COPA: variants seen among roughly 807,000 people sequenced by gnomAD.
The protein encoded by COPA is coatomer subunit alpha.
COPA carries 10 observed loss-of-function variants against 158.7 expected under a neutral mutation model. That is an observed-to-expected ratio of 0.06 (90% confidence interval 0.04 to 0.11). The LOEUF (loss-of-function observed/expected upper bound fraction) is 0.11. COPA is among the 10% of genes least tolerant of loss of function. The pLI, the probability that COPA is intolerant of heterozygous loss-of-function variation, is 1.00. For missense variants in COPA, 1,065 were observed against 1,536.7 expected (o/e 0.69, Z 5.13); for synonymous variants, 462 against 542.8 (o/e 0.85, Z 2.07).
intron 23 of COPA, among the ~76,000 whole-genome samples, chr1:160,295,355 T>C (rs572022378): frequency 3.2e-4 from 49 of 152,212 alleles, no homozygotes; most frequent in Admixed American, 1.4e-3. Flanking sequence ...ATAGCACACA[T>C]CTGCCTATAC....
chr1:160,304,552 T>C (rs1248154547), intron 17 of COPA, among the ~76,000 whole-genome samples: 1 of 151,808 alleles, frequency 6.6e-6, no homozygotes, highest in Admixed American at 6.6e-5. Flanking sequence ...TAATCCCAGC[T>C]ACTCGGGAGG....
chr1:160,296,007 A>G (rs1375946779), intron 22 of COPA, 54 bp downstream of exon 22: 2 of 1,592,626 alleles, frequency 1.3e-6, no homozygotes, highest in African/African-American at 2.7e-5. Flanking sequence ...AAATTGTTCT[A>G]AGATCCTAGA....
chr1:160,305,485 C>T lies in COPA; in HGVS notation c.1615G>A (p.Gly539Arg). Residue 539 changes from glycine to arginine, a missense_variant, in exon 17 of 33, where the codon GGG becomes AGG. Gly to Arg is a moderately radical substitution (Grantham distance 125). Around this residue, in one of 2 missense-constraint regions of COPA, gnomAD observed 980 missense variants for 1,357.8 expected, o/e 0.72. Transcript: ENST00000241704. ...RVKSGAWDESGVFIYTTSNHI... is the reference protein window; with the variant it reads ...RVKSGAWDESRVFIYTTSNHI... ...TTGCTTGTGGTATAGATAAATACCCCACTCTCATCCCAGGCCCCACTCTTG... is the reference window on the plus strand; with the variant it reads ...TTGCTTGTGGTATAGATAAATACCCTACTCTCATCCCAGGCCCCACTCTTG... 1 of 1,614,144 alleles carries T rather than the reference C, an allele frequency of 6.2e-7. No homozygotes were observed. The highest frequency in any genetic ancestry group is 8.5e-7 in the Non-Finnish European group (1 of 1,180,028).
In COPA at chr1:160,290,084, T is replaced by C. The variant is rs1658172477; in HGVS notation, c.*73A>G. On this transcript the variant is annotated 3_prime_UTR_variant, in exon 33 of 33. Transcript: ENST00000241704. ...AAGAGTAGCTGCAGGGGGAAGGTGC[T>C]GTTAGAAGGAGGATATAGACACATT... 7.4e-7 allele frequency: 1 copy of C among 1,344,500 alleles called. No homozygotes were observed. Among genetic ancestry groups the C allele is most frequent in the South Asian group, 1.2e-5 (1 of 83,774 alleles). The allele number at this position is 1,344,500 out of a possible 1,614,324, so 83.3% of individuals were successfully genotyped here.
At chr1:160,299,916 G>C (rs1160829003) in intron 17 of COPA, among the ~76,000 whole-genome samples, 1 of 152,040 alleles carries the variant, frequency 6.6e-6, no homozygotes, top group Admixed American at 6.6e-5. Flanking sequence ...CAGTAGAGAA[G>C]TTCAATGAAA....
chr1:160,329,560 G>C (rs1486669440), intron 6 of COPA, among the ~76,000 whole-genome samples: 1 of 151,592 alleles, frequency 6.6e-6, no homozygotes, highest in African/African-American at 2.4e-5. Context: ...GCATTGGCTA[G>C]ACTGCAGGGA....
rs74125574 is a variant in COPA at position 160,296,094 on chromosome 1, G to T, written c.2319C>A (p.Ser773Arg). The T allele has an allele frequency of 6.2e-7, 1 of 1,614,082 alleles. No homozygotes were observed. The highest frequency in any genetic ancestry group is 1.1e-5 in the South Asian group (1 of 91,078). The change falls in exon 22 of 33, where the codon AGC becomes AGA. Residue 773 changes from serine to arginine, a missense_variant. By Grantham distance (110) the Ser-to-Arg change is moderately radical. Transcript: ENST00000241704. ...TCTCTGGGTCAAATGTCTCCTTTAGGCTCTCAGCTTCTTCATCTAAGCCAT... is the reference window on the plus strand; with the variant it reads ...TCTCTGGGTCAAATGTCTCCTTTAGTCTCTCAGCTTCTTCATCTAAGCCAT... ...ATHGLDEEAE[S>R]LKETFDPEKE...
rs36034271 is a variant in COPA, at chr1:160,300,344, AAAATAAATAAATAAATAAAT to A, written c.1668-1100_1668-1081del. 5.8e-4 allele frequency among the ~76,000 whole-genome samples: 81 copies of A among 138,930 alleles called. No homozygotes were observed. The East Asian group carries it at 0.013, about 23-fold the overall frequency. 91.1% of individuals were successfully genotyped at this position (138,930 alleles called of 152,430 possible). A position where few individuals can be genotyped will look rare whatever the true frequency, so the allele number is the denominator to read the frequency against. Reference sequence around the variant, plus strand: ...GAGACTGGGAGTGAGACTCCGACTCAAAATAAATAAATAAATAAATAAATAAATAAATAAATAAATAAATA... The same window carrying A: ...GAGACTGGGAGTGAGACTCCGACTCAAAATAAATAAATAAATAAATAAATA... On this transcript the variant is annotated intron_variant, in intron 17 of 32. Transcript: ENST00000241704.
intron 10 of COPA, 113 bp downstream of exon 10, chr1:160,312,972 C>T (rs1045830014): frequency 2.2e-6 from 2 of 896,734 alleles, no homozygotes; most frequent in Non-Finnish European, 3.4e-6. Context: ...TCTGAGAGTC[C>T]TTCTTCTTCT....
In COPA at chr1:160,343,244, C is replaced by A. The variant is rs1409562038; in HGVS notation, c.-74G>T. On this transcript the variant is annotated 5_prime_UTR_variant, in exon 1 of 33. Coordinates refer to ENST00000241704, the MANE Select transcript of COPA (RefSeq NM_004371.4). Reference sequence around the variant, plus strand: ...TGCTGCCCTTCGGACGCCTCCACGTCAGCGACCCTCTCCCGCGGTTTCCGG... The same window carrying A: ...TGCTGCCCTTCGGACGCCTCCACGTAAGCGACCCTCTCCCGCGGTTTCCGG... 1.2e-6 allele frequency: 2 copies of A among 1,600,160 alleles called. No homozygotes were observed. Among genetic ancestry groups the A allele is most frequent in the Non-Finnish European group, 1.7e-6 (2 of 1,167,444 alleles).
Position 160,289,026 on chromosome 1 carries a change from G to A in COPA, c.*1131C>T, listed in dbSNP as rs533368124. On this transcript the variant is annotated 3_prime_UTR_variant, in exon 33 of 33. Coordinates refer to ENST00000241704, the MANE Select transcript of COPA (RefSeq NM_004371.4). ...CACTCTGTCGCCCAGGCTGGAGTGC[G>A]GTGGCGCGATCTCAGCTTACTGCAA... Among the ~76,000 whole-genome samples, 10 of 151,642 alleles carry A rather than the reference G, an allele frequency of 6.6e-5. No homozygotes were observed. Among genetic ancestry groups the A allele is most frequent in the Admixed American group, 6.6e-5 (1 of 15,246 alleles).
At chr1:160,320,242 C>T (rs766910252) in intron 8 of COPA, among the ~76,000 whole-genome samples, 7 of 151,988 alleles carry the variant, frequency 4.6e-5, no homozygotes, top group African/African-American at 1.7e-4. Flanking sequence ...GAAACTATTA[C>T]GAGAATGACA....
chr1:160,336,371 C>T (rs1389799544), intron 3 of COPA, among the ~76,000 whole-genome samples: 1 of 151,642 alleles, frequency 6.6e-6, no homozygotes, highest in Non-Finnish European at 1.5e-5. Flanking sequence ...GATACCATGA[C>T]TCCAAGGGAA....
At chr1:160,333,133 A>G (rs1287275175) in intron 5 of COPA, among the ~76,000 whole-genome samples, 4 of 152,220 alleles carry the variant, frequency 2.6e-5, no homozygotes, top group Non-Finnish European at 5.9e-5. Context: ...CATCTTGGCC[A>G]GGCTGGTCTC....
intron 6 of COPA, chr1:160,326,265 G>A (rs12033011): frequency 0.23 from 35,742 of 153,184 alleles, 5,118 homozygotes; most frequent in Non-Finnish European, 0.31. Context: ...GGTGGTTCAC[G>A]CCTATAATCC....
intron 13 of COPA, among the ~76,000 whole-genome samples, chr1:160,307,633 T>C (rs567923651): frequency 6.7e-6 from 1 of 148,946 alleles, no homozygotes; most frequent in East Asian, 2.0e-4. Flanking sequence ...AGCTGCTCTC[T>C]GCTGCTTTTA....
intron 28 of COPA, 118 bp downstream of exon 28, chr1:160,292,366 A>G (rs1658268966): frequency 6.3e-7 from 1 of 1,579,636 alleles, no homozygotes; most frequent in African/African-American, 1.4e-5. Context: ...CAAACCAAAG[A>G]TCTTTTTCTA....
chr1:160,321,272 C>G (rs377625138), intron 8 of COPA, among the ~76,000 whole-genome samples: 1 of 152,148 alleles, frequency 6.6e-6, no homozygotes, highest in East Asian at 1.9e-4. Context: ...GGCCTTTTCT[C>G]TACGGACCAG....
chr1:160,292,438 C>T lies in COPA; in HGVS notation c.2960+46G>A, dbSNP rs770565863. 13 of 1,609,978 alleles carry T rather than the reference C, an allele frequency of 8.1e-6. No homozygotes were observed. In the East Asian group the frequency reaches 8.9e-5, roughly 11 times the overall value. On this transcript the variant is annotated intron_variant, in intron 28 of 32. Transcript: ENST00000241704. ...TCACTGAGGCTACCATCTGAAATAT[C>T]GACCACAACTTGGAACAGATGAAAG... is the stretch of plus-strand genomic sequence containing the variant.
Sources: gnomAD v4.1 joint callset for allele counts (sites outside exome capture counted in the v4.1 genomes callset) on GRCh38, gnomAD v4.1.1 for gene constraint, gnomAD v4.1.1 regional missense constraint, MANE v1.5 for transcripts, NCBI Gene and HGNC (gene_info 2026-07-23, HGNC 2026-07-21) for gene names.